LINC02747: variants seen among roughly 807,000 people sequenced by gnomAD.
The protein encoded by LINC02747 is long independently transcribed non-coding RNA 2747.
At chr11:69,479,027 G>T (rs368787917) in intron 1 of LINC02747, among the ~76,000 whole-genome samples, 1 of 152,122 alleles carries the variant, frequency 6.6e-6, no homozygotes, top group Non-Finnish European at 1.5e-5. Context: ...GGCTGAAGCC[G>T]GTGTATAACT....
At chr11:69,480,728 G>A (rs1225343101) in intron 1 of LINC02747, among the ~76,000 whole-genome samples, 2 of 152,238 alleles carry the variant, frequency 1.3e-5, no homozygotes, top group African/African-American at 4.8e-5. Flanking sequence ...CTCTGGCACT[G>A]AGCCGGCACT....
At chr11:69,476,970 T>C (rs1456679424) in exon 2 of LINC02747, 1 of 152,242 alleles carries the variant, frequency 6.6e-6, no homozygotes, top group Non-Finnish European at 1.5e-5. Context: ...CCAGGGCCAG[T>C]GGGCTTCCCC....
chr11:69,480,921 A>G (rs1857042638), intron 1 of LINC02747, among the ~76,000 whole-genome samples: 1 of 152,176 alleles, frequency 6.6e-6, no homozygotes. Flanking sequence ...AGGATTCCCA[A>G]GGAACCCTTG....
intron 1 of LINC02747, among the ~76,000 whole-genome samples, chr11:69,477,866 CGAAAATGCAAGAT>C (rs915480898): frequency 1.3e-5 from 2 of 152,008 alleles, no homozygotes; most frequent in African/African-American, 4.8e-5. Context: ...CTGTGCAAGA[CGAAAATGCAAGAT>C]GAAAATGCAA....
At chr11:69,477,867 G>A (rs1857010827) in intron 1 of LINC02747, among the ~76,000 whole-genome samples, 1 of 152,074 alleles carries the variant, frequency 6.6e-6, no homozygotes, top group African/African-American at 2.4e-5. Context: ...TGTGCAAGAC[G>A]AAAATGCAAG....
At chr11:69,478,634 C>T (rs1214166001) in intron 1 of LINC02747, among the ~76,000 whole-genome samples, 1 of 150,672 alleles carries the variant, frequency 6.6e-6, no homozygotes. Flanking sequence ...ACCCTGGGGT[C>T]AGGAGTTTAA....
At chr11:69,479,093 A>G (rs749844705) in intron 1 of LINC02747, among the ~76,000 whole-genome samples, 6 of 151,758 alleles carry the variant, frequency 4.0e-5, no homozygotes, top group Non-Finnish European at 8.8e-5. Context: ...TGTCTCTACT[A>G]AAAATACAAA....
chr11:69,478,169 A>C (rs986075632), intron 1 of LINC02747, among the ~76,000 whole-genome samples: 3 of 151,908 alleles, frequency 2.0e-5, no homozygotes, highest in Non-Finnish European at 2.9e-5. Flanking sequence ...TTGCTGGGGG[A>C]CCCCTTAGTG....
chr11:69,480,681 A>G (rs1222737125), intron 1 of LINC02747, among the ~76,000 whole-genome samples: 1 of 152,190 alleles, frequency 6.6e-6, no homozygotes, highest in Non-Finnish European at 1.5e-5. Context: ...CCTGCTATGA[A>G]TCGTGAAACA....
exon 2 of LINC02747, chr11:69,476,469 A>G (rs1856995586): frequency 6.6e-6 from 1 of 151,956 alleles, no homozygotes; most frequent in Non-Finnish European, 1.5e-5. Flanking sequence ...TCTAATCAAT[A>G]TCCTGCTCCT....
chr11:69,478,913 T>C (rs1229087491), intron 1 of LINC02747, among the ~76,000 whole-genome samples: 1 of 151,394 alleles, frequency 6.6e-6, no homozygotes, highest in Non-Finnish European at 1.5e-5. Flanking sequence ...AATAAGTTTT[T>C]ACATGAAAAT....
chr11:69,479,834 G>A (rs1857032867), intron 1 of LINC02747: 1 of 152,416 alleles, frequency 6.6e-6, no homozygotes, highest in Admixed American at 6.5e-5. Context: ...GCTCTTTCAG[G>A]AAGCCCCTGG....
At chr11:69,475,954 C>T (rs188188692) in exon 2 of LINC02747, 10 of 152,382 alleles carry the variant, frequency 6.6e-5, no homozygotes, top group Non-Finnish European at 1.5e-4. Flanking sequence ...GCACCCAAAC[C>T]CAGCAGCCAC....
chr11:69,480,844 G>A (rs538505375), intron 1 of LINC02747, among the ~76,000 whole-genome samples: 3 of 152,162 alleles, frequency 2.0e-5, no homozygotes, highest in East Asian at 3.9e-4. Context: ...TGCAGACAAC[G>A]CCGTGTGAGG....
chr11:69,479,629 T>A (rs964574540), intron 1 of LINC02747: 11 of 152,228 alleles, frequency 7.2e-5, no homozygotes, highest in Non-Finnish European at 1.3e-4. Flanking sequence ...GGTCACAGCC[T>A]CCAGCCTCTT....
intron 1 of LINC02747, among the ~76,000 whole-genome samples, chr11:69,479,155 T>A (rs1428747074): frequency 6.9e-6 from 1 of 145,274 alleles, no homozygotes; most frequent in African/African-American, 2.6e-5. Context: ...CTCGGGAGGC[T>A]GAGGCAGGAG....
At chr11:69,477,213 G>T (rs924677908) in exon 2 of LINC02747, 1 of 152,234 alleles carries the variant, frequency 6.6e-6, no homozygotes, top group Non-Finnish European at 1.5e-5. Flanking sequence ...CTGAATGCAG[G>T]TGCCCCTCCT....
chr11:69,478,374 C>G (rs1035228658), intron 1 of LINC02747, among the ~76,000 whole-genome samples: 4 of 152,058 alleles, frequency 2.6e-5, no homozygotes, highest in African/African-American at 7.2e-5. Context: ...CTTGCACCCC[C>G]GCCTCCACCC....
exon 2 of LINC02747, chr11:69,477,388 A>T (rs1565190230): frequency 6.6e-6 from 1 of 152,202 alleles, no homozygotes; most frequent in Non-Finnish European, 1.5e-5. Context: ...TTCTCATCTG[A>T]CGCCTAGCCC....
Sources: allele counts gnomAD v4.1 joint callset (sites outside exome capture counted in the v4.1 genomes callset), GRCh38; gene constraint gnomAD v4.1.1; transcripts MANE v1.5; gene names NCBI Gene and HGNC (gene_info 2026-07-23, HGNC 2026-07-21).